The following TAFA1 variants were observed in gnomAD, a reference collection of about 807,000 sequenced individuals.
TAFA1 encodes chemokine-like protein TAFA-1.
In TAFA1, 4 loss-of-function variants were observed where a neutral mutation model predicts 18.5. That is an observed-to-expected ratio of 0.22 (90% CI 0.11 to 0.49). The LOEUF (loss-of-function observed/expected upper bound fraction) is 0.49, where lower values mean the gene tolerates loss of function less well. TAFA1 is among the 20% of genes least tolerant of loss of function. The pLI is 0.98. For missense variants in TAFA1, 147 were observed against 169.0 expected, an observed-to-expected ratio of 0.87 and a Z score of 0.72; for synonymous variants, 56 against 55.2, an observed-to-expected ratio of 1.01 and a Z score of -0.06.
At chr3:68,316,776 A>G (rs1331520709) in intron 2 of TAFA1, among the ~76,000 whole-genome samples, 1 of 152,170 alleles carries the variant, frequency 6.6e-6, no homozygotes, top group East Asian at 1.9e-4. Context: ...GTGTTGAATG[A>G]GTTGGTGAAG....
intron 3 of TAFA1, among the ~76,000 whole-genome samples, chr3:68,444,436 T>C (rs1335643579): frequency 6.6e-6 from 1 of 152,128 alleles, no homozygotes; most frequent in African/African-American, 2.4e-5. Flanking sequence ...GAAGTCACAA[T>C]ACCTCACCTA....
chr3:68,513,708 A>AT, intron 3 of TAFA1, among the ~76,000 whole-genome samples: 1 of 152,294 alleles, frequency 6.6e-6, no homozygotes. Flanking sequence ...AAAAAAGACT[A>AT]TAAAGCAGGA....
chr3:68,067,402 CA>C (rs2064693549), intron 2 of TAFA1, among the ~76,000 whole-genome samples: 1 of 151,990 alleles, frequency 6.6e-6, no homozygotes, highest in Non-Finnish European at 1.5e-5. Flanking sequence ...CCCCAATGAC[CA>C]CAATAAACTG....
At position 68,466,897 on chromosome 3, in the gene TAFA1, G is replaced by A. The variant is rs568739825; in HGVS notation, c.259+49477G>A. ...GGTATCAGGGGAGACATCGCATGTCGGCAGGTTCCGTGATGCCCCATGAGC... is the reference window on the plus strand; with the variant it reads ...GGTATCAGGGGAGACATCGCATGTCAGCAGGTTCCGTGATGCCCCATGAGC... On this transcript the variant is annotated intron_variant, in intron 3 of 4. Coordinates refer to ENST00000478136, the MANE Select transcript of TAFA1 (RefSeq NM_213609.4). 4.9e-4 allele frequency among the ~76,000 whole-genome samples: 74 copies of A among 152,216 alleles called. 1 individual carries two copies. The highest frequency in any genetic ancestry group is 8.7e-4 in the Non-Finnish European group (59 of 68,010).
At chr3:68,066,227 T>G (rs924984088) in intron 2 of TAFA1, among the ~76,000 whole-genome samples, 1 of 152,224 alleles carries the variant, frequency 6.6e-6, no homozygotes, top group African/African-American at 2.4e-5. Context: ...CATATATGTA[T>G]GTACACATTT....
chr3:68,367,193 G>T (rs2069591619), intron 2 of TAFA1, among the ~76,000 whole-genome samples: 1 of 152,214 alleles, frequency 6.6e-6, no homozygotes, highest in South Asian at 2.1e-4. Context: ...GAAGCTTTAA[G>T]TGGGATGTTT....
In TAFA1 at chr3:68,058,349, C is replaced by G. The variant is rs570271523; in HGVS notation, c.118+51605C>G. 3.3e-5 allele frequency among the ~76,000 whole-genome samples: 5 copies of G among 152,298 alleles called. No homozygotes were observed. In the South Asian group the frequency reaches 1.0e-3, roughly 32 times the overall value. ...TAAGAGAGTTCCCAGTACATAATAACAGCTCAAAAACATTGACTATTATTG... is the reference window on the plus strand; with the variant it reads ...TAAGAGAGTTCCCAGTACATAATAAGAGCTCAAAAACATTGACTATTATTG... On this transcript the variant is annotated intron_variant, in intron 2 of 4. Transcript: ENST00000478136.
At chr3:68,001,024 C>T (rs1457995402), upstream of TAFA1, among the ~76,000 whole-genome samples, 1 of 152,056 alleles carries the variant, frequency 6.6e-6, no homozygotes, top group African/African-American at 2.4e-5. Context: ...TTTATTATTG[C>T]CAAAGCAAAC....
At chr3:68,387,681 C>G (rs1055750670) in intron 2 of TAFA1, among the ~76,000 whole-genome samples, 8 of 151,876 alleles carry the variant, frequency 5.3e-5, no homozygotes, top group Admixed American at 2.0e-4. Flanking sequence ...TGCTTTCACT[C>G]AGGACATAAT....
intron 2 of TAFA1, among the ~76,000 whole-genome samples, chr3:68,280,041 A>G (rs1292597784): frequency 6.6e-6 from 1 of 152,220 alleles, no homozygotes; most frequent in Non-Finnish European, 1.5e-5. Flanking sequence ...ATTTCTATAC[A>G]GAATGTAAAA....
intron 2 of TAFA1, among the ~76,000 whole-genome samples, chr3:68,049,018 G>GT (rs1187006026): frequency 3.3e-5 from 5 of 152,064 alleles, no homozygotes; most frequent in Admixed American, 1.3e-4. Context: ...TCTATTTTTA[G>GT]TTTTTTGTGG....
At chr3:68,416,199 G>C (rs996121875) in intron 2 of TAFA1, among the ~76,000 whole-genome samples, 2 of 152,134 alleles carry the variant, frequency 1.3e-5, no homozygotes, top group Non-Finnish European at 2.9e-5. Context: ...TCAGAGGACA[G>C]GATGAAAGGA....
chr3:68,544,565 A>T lies in TAFA1; in HGVS notation c.*62A>T. 6.5e-7 allele frequency: 1 copy of T among 1,541,928 alleles called. No homozygotes were observed. The highest frequency in any genetic ancestry group is 9.0e-7 in the Non-Finnish European group (1 of 1,116,790). The stretch of plus-strand genomic sequence containing the variant: ...CTGGAAAATACATTTTGAGAATCTC[A>T]AACATCTCACATATATACAAGCCAA... On this transcript the variant is annotated 3_prime_UTR_variant, in exon 5 of 5. Coordinates refer to ENST00000478136, the MANE Select transcript of TAFA1 (RefSeq NM_213609.4).
chr3:68,540,130 A>G (rs945281522), intron 4 of TAFA1, among the ~76,000 whole-genome samples: 8 of 152,186 alleles, frequency 5.3e-5, no homozygotes, highest in Admixed American at 2.0e-4. Flanking sequence ...GACAAAACTA[A>G]TGCTACATAA....
intron 2 of TAFA1, among the ~76,000 whole-genome samples, chr3:68,139,472 G>T (rs1430621444): frequency 6.6e-6 from 1 of 152,048 alleles, no homozygotes; most frequent in East Asian, 1.9e-4. Context: ...GATTCACTTT[G>T]GGCACAGTGG....
intron 2 of TAFA1, among the ~76,000 whole-genome samples, chr3:68,142,811 GCATAATTAAACAGGGTTGCC>G (rs2065685157): frequency 6.6e-6 from 1 of 152,096 alleles, no homozygotes; most frequent in African/African-American, 2.4e-5. Flanking sequence ...GCAGACCGGT[GCATAATTAAACAGGGTTGCC>G]CTTCTGGAAA....
At chr3:68,254,249 A>G (rs1450271235) in intron 2 of TAFA1, among the ~76,000 whole-genome samples, 2 of 152,132 alleles carry the variant, frequency 1.3e-5, no homozygotes, top group African/African-American at 2.4e-5. Context: ...CAACATGGAT[A>G]AAACACAGAA....
intron 2 of TAFA1, among the ~76,000 whole-genome samples, chr3:68,368,376 G>C (rs1352909491): frequency 6.6e-6 from 1 of 152,196 alleles, no homozygotes; most frequent in Non-Finnish European, 1.5e-5. Context: ...TCAGTCCCTG[G>C]TGGGAGGTTT....
chr3:68,186,510 G>GT (rs972717578), intron 2 of TAFA1, among the ~76,000 whole-genome samples: 6 of 151,962 alleles, frequency 3.9e-5, no homozygotes, highest in Admixed American at 2.6e-4. Context: ...TTAGACTTTT[G>GT]TTTTTTTCCC....
Sources: gnomAD v4.1 joint callset for allele counts (sites outside exome capture counted in the v4.1 genomes callset) on GRCh38, gnomAD v4.1.1 for gene constraint, MANE v1.5 for transcripts, NCBI Gene and HGNC (gene_info 2026-07-23, HGNC 2026-07-21) for gene names.